KIAA1328: variants seen among roughly 807,000 people sequenced by gnomAD.
The protein encoded by KIAA1328 is KIAA1328.
In KIAA1328, 52 loss-of-function variants were observed where a neutral mutation model predicts 68.1. That is an observed-to-expected ratio of 0.76 (90% CI 0.61 to 0.96). The LOEUF is 0.96. Among genes scored for constraint, KIAA1328 ranks in the 40% least tolerant of loss-of-function variants. The probability of loss-of-function intolerance (pLI) is 0.00; values close to 1 mark genes in which losing one functional copy is unlikely to be tolerated. For missense variants in KIAA1328, 641 were observed against 677.6 expected, an observed-to-expected ratio of 0.95 and a Z score of 0.60; for synonymous variants, 232 against 239.4, an observed-to-expected ratio of 0.97 and a Z score of 0.28.
At position 37,160,361 on chromosome 18, in the gene KIAA1328, A is replaced by G. The variant is rs750227421; in HGVS notation, c.1394A>G (p.Asp465Gly). Reference protein sequence around the residue: ...DDAQWSCQKKDTCRPQRGTVT... With the variant: ...DDAQWSCQKKGTCRPQRGTVT... ...GCCCAGTGGTCATGTCAAAAGAAAG[A>G]TACATGTAGACCCCAAAGAGGTAAG... Residue 465 changes from aspartate (D) to glycine (G), a missense_variant, in exon 8 of 10, where the codon GAT becomes GGT. Asp to Gly is a moderately conservative substitution (Grantham distance 94, BLOSUM62 -1). Transcript: ENST00000280020. The G allele has an allele frequency of 5.6e-6, 9 of 1,613,310 alleles. No individual in the cohort carries two copies. The highest frequency in any genetic ancestry group is 6.8e-6 in the Non-Finnish European group (8 of 1,179,504).
chr18:37,040,662 CT>C (rs1011523285), intron 6 of KIAA1328, among the ~76,000 whole-genome samples: 4 of 150,234 alleles, frequency 2.7e-5, no homozygotes, highest in African/African-American at 7.3e-5. Context: ...TGACTTAAAT[CT>C]TTTTTTTTCC....
chr18:37,170,239 C>G (rs754409632), intron 8 of KIAA1328, among the ~76,000 whole-genome samples: 7 of 152,200 alleles, frequency 4.6e-5, no homozygotes, highest in Non-Finnish European at 8.8e-5. Context: ...TTGAGTCCCT[C>G]TAAAATAATG....
At chr18:36,880,950 T>C (rs547732876) in intron 4 of KIAA1328, among the ~76,000 whole-genome samples, 3 of 152,312 alleles carry the variant, frequency 2.0e-5, no homozygotes, top group African/African-American at 7.2e-5. Flanking sequence ...TCTTTTTATA[T>C]ATCTGGATTC....
At chr18:36,862,341 A>G (rs917641643) in intron 4 of KIAA1328, among the ~76,000 whole-genome samples, 8 of 152,208 alleles carry the variant, frequency 5.3e-5, no homozygotes, top group Non-Finnish European at 7.3e-5. Context: ...CTTTTTATAG[A>G]CACAAATACT....
chr18:36,887,580 G>A (rs1227577718), intron 5 of KIAA1328, among the ~76,000 whole-genome samples: 5 of 152,190 alleles, frequency 3.3e-5, no homozygotes. Flanking sequence ...AAAACTTTAT[G>A]AGAGCACTCC....
chr18:36,941,528 GA>G (rs1290793244), intron 5 of KIAA1328, among the ~76,000 whole-genome samples: 1 of 152,132 alleles, frequency 6.6e-6, no homozygotes, highest in East Asian at 1.9e-4. Context: ...CCAGGAGGCG[GA>G]GGTTGCAGTG....
At chr18:36,850,866 G>C (rs957175970) in intron 4 of KIAA1328, among the ~76,000 whole-genome samples, 27 of 152,112 alleles carry the variant, frequency 1.8e-4, no homozygotes, top group African/African-American at 5.6e-4. Context: ...TAGTGGAGTG[G>C]CAGAAGCAGG....
At chr18:36,873,370 G>C (rs7241317) in intron 4 of KIAA1328, among the ~76,000 whole-genome samples, 61,150 of 152,042 alleles carry the variant, frequency 0.4, 14,090 homozygotes, top group African/African-American at 0.63. Context: ...CCTGCAATTT[G>C]CAGAAACATG....
At chr18:36,837,963 G>A (rs1438053857) in intron 3 of KIAA1328, among the ~76,000 whole-genome samples, 1 of 152,080 alleles carries the variant, frequency 6.6e-6, no homozygotes, top group East Asian at 1.9e-4. Context: ...TTTGGAATTA[G>A]GAAGTATAAG....
intron 6 of KIAA1328, among the ~76,000 whole-genome samples, chr18:36,970,491 A>G (rs2052149586): frequency 7.1e-6 from 1 of 140,144 alleles, no homozygotes. Flanking sequence ...AATGGTATCC[A>G]TATAGGAAGA....
chr18:36,976,840 T>G (rs2052491719), intron 6 of KIAA1328, among the ~76,000 whole-genome samples: 1 of 152,174 alleles, frequency 6.6e-6, no homozygotes, highest in African/African-American at 2.4e-5. Context: ...GCAGTCAGAT[T>G]AATTTAGGAT....
At chr18:36,969,453 A>T (rs1598851402) in intron 6 of KIAA1328, among the ~76,000 whole-genome samples, 1 of 152,124 alleles carries the variant, frequency 6.6e-6, no homozygotes, top group African/African-American at 2.4e-5. Context: ...TGAAAAAGGG[A>T]ATATTATCAC....
chr18:36,858,300 T>C (rs1167474969), intron 4 of KIAA1328, among the ~76,000 whole-genome samples: 1 of 152,190 alleles, frequency 6.6e-6, no homozygotes, highest in Non-Finnish European at 1.5e-5. Flanking sequence ...TTTCTGATGT[T>C]AATATATCCA....
chr18:37,072,847 C>T (rs1459133015), intron 7 of KIAA1328, among the ~76,000 whole-genome samples: 1 of 152,126 alleles, frequency 6.6e-6, no homozygotes, highest in Non-Finnish European at 1.5e-5. Context: ...TCAACTCCCA[C>T]TTATGAGTGA....
intron 7 of KIAA1328, among the ~76,000 whole-genome samples, chr18:37,089,555 A>G (rs1411176199): frequency 6.6e-6 from 1 of 151,798 alleles, no homozygotes; most frequent in Admixed American, 6.6e-5. Flanking sequence ...TTGTATTTTT[A>G]GTAGAGATAG....
intron 6 of KIAA1328, among the ~76,000 whole-genome samples, chr18:36,966,467 A>G (rs1237733739): frequency 6.6e-6 from 1 of 152,172 alleles, no homozygotes; most frequent in African/African-American, 2.4e-5. Flanking sequence ...TGCACAAGGG[A>G]GATGAGAAGG....
At chr18:36,878,342 T>C (rs1248402081) in intron 4 of KIAA1328, among the ~76,000 whole-genome samples, 1 of 151,956 alleles carries the variant, frequency 6.6e-6, no homozygotes. Flanking sequence ...GTGTTGAATA[T>C]TGGCCTCCTC....
chr18:37,008,722 TG>T (rs1200296325), intron 6 of KIAA1328, among the ~76,000 whole-genome samples: 2 of 152,106 alleles, frequency 1.3e-5, no homozygotes, highest in Non-Finnish European at 1.5e-5. Context: ...AAGGACTAAA[TG>T]GAAATTTTGG....
intron 6 of KIAA1328, among the ~76,000 whole-genome samples, chr18:36,998,125 C>T (rs572056726): frequency 6.6e-6 from 1 of 152,156 alleles, no homozygotes; most frequent in Admixed American, 6.5e-5. Flanking sequence ...ATAAGCCCAC[C>T]CAGCTCAACT....
Sources: gnomAD v4.1 joint callset for allele counts (sites outside exome capture counted in the v4.1 genomes callset) on GRCh38, gnomAD v4.1.1 for gene constraint, MANE v1.5 for transcripts, NCBI Gene and HGNC (gene_info 2026-07-23, HGNC 2026-07-21) for gene names.